The following DIAPH3 variants were observed in gnomAD, a reference collection of about 807,000 sequenced individuals.
DIAPH3 encodes the protein protein diaphanous homolog 3.
DIAPH3 carries 117 observed loss-of-function variants against 144.3 expected under a neutral mutation model. The ratio of observed to expected loss-of-function variants is 0.81; its 90% CI spans 0.70 to 0.95. DIAPH3 has a LOEUF of 0.95. Ranked by LOEUF, DIAPH3 falls within the 40% of genes least tolerant of loss-of-function variation. The pLI, the probability that DIAPH3 is intolerant of heterozygous loss-of-function variation, is 0.00. For synonymous variants in DIAPH3, 519 were observed against 488.9 expected (o/e 1.06, Z -0.81); for missense variants, 1,421 against 1,412.7 (o/e 1.01, Z -0.09).
At chr13:60,143,972 T>C (rs1951390031) in intron 1 of DIAPH3, among the ~76,000 whole-genome samples, 1 of 152,206 alleles carries the variant, frequency 6.6e-6, no homozygotes, top group Admixed American at 6.5e-5. Flanking sequence ...TTCATTATTA[T>C]GGAGAAATGA....
intron 12 of DIAPH3, among the ~76,000 whole-genome samples, chr13:59,984,474 T>C (rs1245200846): frequency 2.0e-5 from 3 of 151,802 alleles, no homozygotes; most frequent in Non-Finnish European, 4.4e-5. Context: ...CCAAGTAGAT[T>C]TCATGTTGTC....
At chr13:59,721,266 G>C (rs2035328736) in intron 27 of DIAPH3, among the ~76,000 whole-genome samples, 1 of 152,100 alleles carries the variant, frequency 6.6e-6, no homozygotes. Flanking sequence ...GGCAAGTAAG[G>C]GCTTTTTACC....
chr13:60,075,297 G>A (rs73532923), intron 4 of DIAPH3, among the ~76,000 whole-genome samples: 1 of 152,066 alleles, frequency 6.6e-6, no homozygotes. Context: ...TTTTCTTAAT[G>A]ATTTGTAGGT....
intron 9 of DIAPH3, among the ~76,000 whole-genome samples, chr13:59,996,392 C>T (rs1171963480): frequency 6.6e-6 from 1 of 151,946 alleles, no homozygotes; most frequent in African/African-American, 2.4e-5. Flanking sequence ...TTTGGAAAGC[C>T]AATACTGTAA....
chr13:60,135,520 A>G (rs1051199395), intron 1 of DIAPH3, among the ~76,000 whole-genome samples: 3 of 152,170 alleles, frequency 2.0e-5, no homozygotes, highest in African/African-American at 7.2e-5. Context: ...AGAAGGTCAA[A>G]TTCATCATTC....
rs574629268 is a variant in DIAPH3 at position 59,841,869 on chromosome 13, A to G, written c.2738-2421T>C. 9.2e-5 allele frequency among the ~76,000 whole-genome samples: 14 copies of G among 152,238 alleles called. No individual in the cohort carries two copies. The East Asian group carries it at 1.7e-3, about 19-fold the overall frequency. On this transcript the variant is annotated intron_variant, in intron 22 of 27. Coordinates refer to ENST00000400324, the MANE Select transcript of DIAPH3 (RefSeq NM_001042517.2). ...TGAAGTAGGCATTATTATTATTCCT[A>G]TTTTACAGATGAGGAAACTGGAGCT...
chr13:59,865,403 A>T (rs1329021983), intron 21 of DIAPH3, among the ~76,000 whole-genome samples: 2 of 152,064 alleles, frequency 1.3e-5, no homozygotes, highest in Non-Finnish European at 2.9e-5. Flanking sequence ...TTGTAACGCT[A>T]AATCTTGGAA....
chr13:60,021,805 A>G (rs1434164140), intron 5 of DIAPH3, among the ~76,000 whole-genome samples: 1 of 152,194 alleles, frequency 6.6e-6, no homozygotes, highest in Non-Finnish European at 1.5e-5. Context: ...ACAGCTAGAA[A>G]AGAAGTAAGA....
intron 2 of DIAPH3, among the ~76,000 whole-genome samples, chr13:60,121,392 T>G (rs1401295577): frequency 6.6e-6 from 1 of 151,922 alleles, no homozygotes; most frequent in Non-Finnish European, 1.5e-5. Context: ...GGTAGGTGGG[T>G]ACAGAACGAT....
intron 21 of DIAPH3, among the ~76,000 whole-genome samples, chr13:59,867,581 A>G (rs1201733421): frequency 6.6e-6 from 1 of 152,152 alleles, no homozygotes; most frequent in Admixed American, 6.6e-5. Context: ...TAATTATAAT[A>G]TGCTACCATA....
chr13:59,958,947 C>T (rs1460596404), intron 17 of DIAPH3, among the ~76,000 whole-genome samples: 2 of 146,610 alleles, frequency 1.4e-5, no homozygotes, highest in East Asian at 4.2e-4. Context: ...ACGATCTCGG[C>T]TCACTGCAAC....
At chr13:59,921,700 C>T (rs1280991126) in intron 18 of DIAPH3, among the ~76,000 whole-genome samples, 2 of 151,850 alleles carry the variant, frequency 1.3e-5, no homozygotes, top group African/African-American at 4.8e-5. Context: ...CAAAAAAAAT[C>T]AAAGAGTAGA....
intron 27 of DIAPH3, among the ~76,000 whole-genome samples, chr13:59,670,247 T>A (rs1248635417): frequency 6.6e-6 from 1 of 152,122 alleles, no homozygotes; most frequent in East Asian, 1.9e-4. Context: ...CAAGACAGTG[T>A]AAAAAGGAAA....
chr13:59,742,753 T>TGA (rs1200652969), intron 27 of DIAPH3, among the ~76,000 whole-genome samples: 122 of 152,060 alleles, frequency 8.0e-4, no homozygotes, highest in African/African-American at 2.8e-3. Context: ...GACATGTCTC[T>TGA]TCTACACAGT....
chr13:59,990,824 A>G (rs1055083022), intron 12 of DIAPH3, among the ~76,000 whole-genome samples: 2 of 152,018 alleles, frequency 1.3e-5, no homozygotes, highest in Admixed American at 1.3e-4. Flanking sequence ...CATGTAACTT[A>G]TAAGAAGAAA....
intron 4 of DIAPH3, among the ~76,000 whole-genome samples, chr13:60,046,387 G>A (rs2056067926): frequency 6.6e-6 from 1 of 152,080 alleles, no homozygotes; most frequent in East Asian, 1.9e-4. Context: ...CATCATCACT[G>A]GTCATTAGAG....
intron 18 of DIAPH3, 35 bp from the exon 19 acceptor site, chr13:59,916,284 A>G: frequency 6.6e-7 from 1 of 1,519,006 alleles, no homozygotes. Context: ...TTTATAATGA[A>G]TAAGGTTTAA....
At chr13:60,120,295 T>C (rs1304483224) in intron 2 of DIAPH3, among the ~76,000 whole-genome samples, 1 of 152,208 alleles carries the variant, frequency 6.6e-6, no homozygotes, top group Non-Finnish European at 1.5e-5. Flanking sequence ...AAACCAACCA[T>C]TCAATCTTTC....
chr13:59,714,216 C>T (rs866977350), intron 27 of DIAPH3, among the ~76,000 whole-genome samples: 10 of 151,578 alleles, frequency 6.6e-5, no homozygotes, highest in South Asian at 2.1e-4. Flanking sequence ...AAAAATTAGC[C>T]GGGCGTAGTG....
Sources: allele counts gnomAD v4.1 joint callset (sites outside exome capture counted in the v4.1 genomes callset), GRCh38; gene constraint gnomAD v4.1.1; transcripts MANE v1.5; gene names NCBI Gene and HGNC (gene_info 2026-07-23, HGNC 2026-07-21).